EPB41L5: variants seen among roughly 807,000 people sequenced by gnomAD.
The protein encoded by EPB41L5 is erythrocyte membrane protein band 4.1 like 5.
In EPB41L5, 55 loss-of-function variants were observed where a neutral mutation model predicts 106.6. The observed-to-expected ratio is 0.52, with a 90% confidence interval of 0.42 to 0.65. The LOEUF (loss-of-function observed/expected upper bound fraction) is 0.65, where lower values mean the gene tolerates loss of function less well. Ranked by LOEUF, EPB41L5 falls within the 30% of genes least tolerant of loss-of-function variation. The probability of loss-of-function intolerance (pLI) is 0.00; values close to 1 mark genes in which losing one functional copy is unlikely to be tolerated. For missense variants in EPB41L5, 871 were observed against 882.1 expected, an observed-to-expected ratio of 0.99 and a Z score of 0.16; for synonymous variants, 297 against 306.7, an observed-to-expected ratio of 0.97 and a Z score of 0.33.
At chr2:120,051,323 G>A (rs559718430) in intron 3 of EPB41L5, among the ~76,000 whole-genome samples, 35 of 152,310 alleles carry the variant, frequency 2.3e-4, no homozygotes, top group Middle Eastern at 6.8e-3. Context: ...CTTCCTAGCA[G>A]CTTTGTTTAC....
At position 120,100,347 on chromosome 2, in the gene EPB41L5, G is replaced by A. The variant is rs1194960303; in HGVS notation, c.1221+61G>A. The stretch of plus-strand genomic sequence containing the variant: ...CCCGTTAATTATGGTAACAGTAGTA[G>A]TATTGATTGGATTTTCATAGTGGTG... On this transcript the variant is annotated intron_variant, in intron 15 of 24. Transcript: ENST00000263713. 6 of 1,483,132 alleles carry A rather than the reference G, an allele frequency of 4.0e-6. No homozygotes were observed. In the African/African-American group the frequency reaches 5.6e-5, roughly 14 times the overall value. 91.9% of individuals were successfully genotyped at this position (1,483,132 alleles called of 1,614,324 possible). A position where few individuals can be genotyped will look rare whatever the true frequency, so the allele number is the denominator to read the frequency against.
intron 3 of EPB41L5, among the ~76,000 whole-genome samples, chr2:120,068,394 G>T (rs910367528): frequency 6.6e-6 from 1 of 152,210 alleles, no homozygotes; most frequent in Non-Finnish European, 1.5e-5. Flanking sequence ...AAGCCCAGGG[G>T]GCCAAGTGGT....
At chr2:120,140,390 A>G (rs1284631250) in intron 18 of EPB41L5, among the ~76,000 whole-genome samples, 1 of 152,092 alleles carries the variant, frequency 6.6e-6, no homozygotes, top group East Asian at 1.9e-4. Context: ...GTATGCCTGT[A>G]TCTACATATC....
At chr2:120,144,958 ACT>A (rs1236790759) in intron 19 of EPB41L5, among the ~76,000 whole-genome samples, 12 of 152,200 alleles carry the variant, frequency 7.9e-5, no homozygotes, top group Non-Finnish European at 1.6e-4. Flanking sequence ...CATGATAAAA[ACT>A]CTCAGCAAAC....
intron 3 of EPB41L5, among the ~76,000 whole-genome samples, chr2:120,070,123 A>G (rs1023331030): frequency 3.9e-5 from 6 of 152,196 alleles, no homozygotes; most frequent in African/African-American, 1.4e-4. Flanking sequence ...ATAATCAAAT[A>G]GACAATAAAA....
At chr2:120,033,898 A>G (rs1273403425) in intron 2 of EPB41L5, among the ~76,000 whole-genome samples, 1 of 151,080 alleles carries the variant, frequency 6.6e-6, no homozygotes, top group African/African-American at 2.4e-5. Context: ...GTTTGAGACC[A>G]GTCTGGGTAA....
chr2:120,056,352 T>C (rs535943086), intron 3 of EPB41L5, among the ~76,000 whole-genome samples: 23 of 151,610 alleles, frequency 1.5e-4, no homozygotes, highest in African/African-American at 5.3e-4. Flanking sequence ...CAGGTTGGAG[T>C]GCAGTGGCGT....
intron 16 of EPB41L5, among the ~76,000 whole-genome samples, chr2:120,126,620 A>G (rs1375516341): frequency 6.6e-6 from 1 of 152,220 alleles, no homozygotes; most frequent in African/African-American, 2.4e-5. Context: ...TATATTCCAT[A>G]ATATAGACTC....
intron 24 of EPB41L5, among the ~76,000 whole-genome samples, chr2:120,173,581 T>C (rs1211322829): frequency 1.3e-5 from 2 of 152,240 alleles, no homozygotes; most frequent in East Asian, 3.8e-4. Context: ...AAAGTAGGAA[T>C]AGAGAGTGGT....
chr2:120,054,745 T>C (rs1456637120), intron 3 of EPB41L5, among the ~76,000 whole-genome samples: 1 of 152,178 alleles, frequency 6.6e-6, no homozygotes, highest in Non-Finnish European at 1.5e-5. Flanking sequence ...ACACCACTTG[T>C]TAAAATGACT....
At position 120,167,525 on chromosome 2, in the gene EPB41L5, G is replaced by GTGAT; in HGVS notation, c.2004+20_2004+23dup. On this transcript the variant is annotated intron_variant, in intron 23 of 24. Transcript: ENST00000263713. ...TTGTTCCGGTAAGTTCATGTTATTT[G>GTGAT]TGATTTTTCTTCTGGCTACCCTTTC... 2 of 1,613,188 alleles carry GTGAT rather than the reference G, an allele frequency of 1.2e-6. No homozygotes were observed. Among genetic ancestry groups the GTGAT allele is most frequent in the Non-Finnish European group, 1.7e-6 (2 of 1,179,188 alleles).
intron 17 of EPB41L5, 23 bp downstream of exon 17, chr2:120,127,874 A>G (rs1313605539): frequency 1.9e-6 from 3 of 1,547,914 alleles, no homozygotes; most frequent in Non-Finnish European, 2.6e-6. Context: ...TCCATTATAC[A>G]TCAGTGATAC....
intron 2 of EPB41L5, among the ~76,000 whole-genome samples, chr2:120,026,459 C>T (rs1379134442): frequency 6.6e-6 from 1 of 152,146 alleles, no homozygotes; most frequent in Non-Finnish European, 1.5e-5. Context: ...ATCTCTGCCT[C>T]CTGGCTTCAA....
chr2:120,078,154 G>T (rs72841605), intron 9 of EPB41L5, among the ~76,000 whole-genome samples: 16 of 152,084 alleles, frequency 1.1e-4, no homozygotes, highest in African/African-American at 3.9e-4. Context: ...GAGCCAAACC[G>T]TATCAGCAGT....
chr2:120,021,812 C>T (rs1033995338), intron 2 of EPB41L5, among the ~76,000 whole-genome samples: 8 of 152,092 alleles, frequency 5.3e-5, no homozygotes, highest in Non-Finnish European at 1.0e-4. Context: ...GAAATGATTT[C>T]CCCTTTTCAG....
intron 13 of EPB41L5, 46 bp downstream of exon 13, chr2:120,091,707 A>G: frequency 7.0e-7 from 1 of 1,438,724 alleles, no homozygotes; most frequent in Non-Finnish European, 9.7e-7. Context: ...CTTGGCAATT[A>G]ATTATGTGCT....
At chr2:120,038,870 A>G (rs1014380622) in intron 2 of EPB41L5, among the ~76,000 whole-genome samples, 1 of 152,244 alleles carries the variant, frequency 6.6e-6, no homozygotes, top group African/African-American at 2.4e-5. Flanking sequence ...AGATACTTAC[A>G]CACCAGTGTT....
In EPB41L5 at chr2:120,178,115, C is replaced by T. The variant is rs1396803044; in HGVS notation, c.*3208C>T. 1 of 152,616 alleles carries T rather than the reference C, an allele frequency of 6.6e-6. No individual in the cohort carries two copies. Among genetic ancestry groups the T allele is most frequent in the African/African-American group, 2.4e-5 (1 of 41,456 alleles). The allele number at this position is 152,616 out of a possible 1,614,324, so 9.5% of individuals were successfully genotyped here. On this transcript the variant is annotated 3_prime_UTR_variant, in exon 25 of 25. Coordinates refer to ENST00000263713, the MANE Select transcript of EPB41L5 (RefSeq NM_020909.4). ...ATGGTAAATACTGTCCCACTCAGCT[C>T]TGCTGGCGCAGTACAGCAGCAGCAG...
chr2:120,120,914 G>A (rs1461054275), intron 16 of EPB41L5, among the ~76,000 whole-genome samples: 2 of 152,170 alleles, frequency 1.3e-5, no homozygotes, highest in Admixed American at 6.5e-5. Context: ...TCAGGAGCTC[G>A]AGACCAGCCC....
Sources: gnomAD v4.1 joint callset for allele counts (sites outside exome capture counted in the v4.1 genomes callset) on GRCh38, gnomAD v4.1.1 for gene constraint, MANE v1.5 for transcripts, NCBI Gene and HGNC (gene_info 2026-07-23, HGNC 2026-07-21) for gene names.